SCFD2: variants seen among roughly 807,000 people sequenced by gnomAD.
SCFD2 encodes the protein sec1 family domain containing 2, also known as sec1 family domain-containing protein 2.
In SCFD2, 54 loss-of-function variants were observed where a neutral mutation model predicts 58.9. The observed-to-expected ratio is 0.92, with a 90% CI of 0.74 to 1.15. The LOEUF is 1.15. Ranked by LOEUF, SCFD2 falls within the 50% of genes most tolerant of loss-of-function variation. The pLI is 0.00. For missense variants in SCFD2, 805 were observed against 836.6 expected (o/e 0.96, Z 0.47); for synonymous variants, 321 against 335.9 (o/e 0.96, Z 0.49).
intron 4 of SCFD2, among the ~76,000 whole-genome samples, chr4:53,214,432 T>C (rs921895609): frequency 6.6e-6 from 1 of 152,170 alleles, no homozygotes. Context: ...TTTCATGTGT[T>C]TTTTGTCTGC....
At chr4:53,199,733 AG>A (rs1728167657) in intron 4 of SCFD2, among the ~76,000 whole-genome samples, 1 of 152,256 alleles carries the variant, frequency 6.6e-6, no homozygotes, top group African/African-American at 2.4e-5. Flanking sequence ...ATGACCAGAA[AG>A]GGCATGGAAG....
intron 2 of SCFD2, among the ~76,000 whole-genome samples, chr4:53,323,763 G>A (rs1398012624): frequency 6.6e-6 from 1 of 151,952 alleles, no homozygotes; most frequent in Non-Finnish European, 1.5e-5. Flanking sequence ...TTCTGTGTGT[G>A]TGTATGTGTG....
intron 5 of SCFD2, among the ~76,000 whole-genome samples, chr4:53,015,526 C>T (rs965248346): frequency 1.7e-4 from 26 of 152,148 alleles, no homozygotes; most frequent in Admixed American, 1.4e-3. Flanking sequence ...ATCTCTCAAA[C>T]GCACGTTGTC....
At chr4:53,166,250 CT>C (rs1180932720) in intron 4 of SCFD2, among the ~76,000 whole-genome samples, 1 of 152,074 alleles carries the variant, frequency 6.6e-6, no homozygotes, top group African/African-American at 2.4e-5. Flanking sequence ...TATCAGATAT[CT>C]TTATAAAGAG....
At chr4:53,289,183 G>A (rs1731761472) in intron 3 of SCFD2, among the ~76,000 whole-genome samples, 1 of 151,998 alleles carries the variant, frequency 6.6e-6, no homozygotes, top group South Asian at 2.1e-4. Context: ...TGACCAACAT[G>A]GTGAAACCCT....
At chr4:53,096,318 G>A (rs1724632470) in intron 5 of SCFD2, among the ~76,000 whole-genome samples, 1 of 152,168 alleles carries the variant, frequency 6.6e-6, no homozygotes, top group African/African-American at 2.4e-5. Context: ...GGTTGAACTA[G>A]TTTACAGTCC....
At chr4:53,256,974 C>T (rs1255384443) in intron 4 of SCFD2, among the ~76,000 whole-genome samples, 2 of 151,584 alleles carry the variant, frequency 1.3e-5, no homozygotes, top group Non-Finnish European at 2.9e-5. Flanking sequence ...ATAAATCATC[C>T]AGTCTCAGGT....
intron 4 of SCFD2, among the ~76,000 whole-genome samples, chr4:53,243,289 A>T (rs771080410): frequency 1.6e-4 from 24 of 152,338 alleles, no homozygotes; most frequent in Admixed American, 5.2e-4. Context: ...CCTCAGCAGA[A>T]ACCCTAAAAG....
chr4:53,234,481 A>G (rs969125855), intron 4 of SCFD2, among the ~76,000 whole-genome samples: 3 of 152,190 alleles, frequency 2.0e-5, no homozygotes, highest in Non-Finnish European at 2.9e-5. Flanking sequence ...ACTGGAGGAC[A>G]GAGGTTTTGT....
intron 3 of SCFD2, among the ~76,000 whole-genome samples, chr4:53,302,844 A>G (rs570074236): frequency 6.6e-6 from 1 of 152,238 alleles, no homozygotes; most frequent in Non-Finnish European, 1.5e-5. Context: ...AAAACAAGCA[A>G]TGGGGAAAGG....
chr4:52,876,039 G>A (rs1165403339), intron 8 of SCFD2, among the ~76,000 whole-genome samples: 1 of 151,636 alleles, frequency 6.6e-6, no homozygotes, highest in East Asian at 1.9e-4. Context: ...GGGTCTCTAC[G>A]TCTTTCAGGT....
chr4:53,285,625 C>T (rs1241844634), intron 3 of SCFD2, among the ~76,000 whole-genome samples: 11 of 151,980 alleles, frequency 7.2e-5, no homozygotes, highest in Middle Eastern at 3.4e-3. Flanking sequence ...TAAAGGAGAG[C>T]GCTGAAGTAC....
At position 52,881,052 on chromosome 4, in the gene SCFD2, G is replaced by C. The variant is rs73814896; in HGVS notation, c.1962+4695C>G. ...CTCTTGATCCCTTTTCTGTAGATAG[G>C]AAAAAGGACCTTCTCCAATGCACCC... On this transcript the variant is annotated intron_variant, in intron 8 of 8. Transcript: ENST00000401642. Among the ~76,000 whole-genome samples the C allele has an allele frequency of 7.4e-3, 1,124 of 152,330 alleles. 17 individuals are homozygous for C. The highest frequency in any genetic ancestry group is 0.026 in the African/African-American group (1,070 of 41,578).
At chr4:53,135,462 G>A (rs762715248) in intron 5 of SCFD2, among the ~76,000 whole-genome samples, 10 of 152,304 alleles carry the variant, frequency 6.6e-5, no homozygotes, top group East Asian at 5.8e-4. Flanking sequence ...CAGGCTAGGC[G>A]TGGTGGCTCA....
At position 53,095,733 on chromosome 4, in the gene SCFD2, T is replaced by C. The variant is rs560072736; in HGVS notation, c.1561+49600A>G. On this transcript the variant is annotated intron_variant, in intron 5 of 8. Transcript: ENST00000401642. ...TTTTCTCTCTTGCTCATTTTTTTTT[T>C]ATTATACTTTAAGTTCTAGGGTACA... Among the ~76,000 whole-genome samples the C allele has an allele frequency of 3.9e-5, 6 of 152,004 alleles. No individual in the cohort carries two copies. The East Asian group carries it at 5.8e-4, about 15-fold the overall frequency.
intron 6 of SCFD2, among the ~76,000 whole-genome samples, chr4:52,914,708 ATACTT>A (rs1719563070): frequency 6.6e-6 from 1 of 152,196 alleles, no homozygotes; most frequent in Non-Finnish European, 1.5e-5. Flanking sequence ...AGAAGAAAAA[ATACTT>A]TAAGGTGAAA....
intron 5 of SCFD2, among the ~76,000 whole-genome samples, chr4:52,922,845 A>G (rs1719772862): frequency 6.6e-6 from 1 of 152,244 alleles, no homozygotes; most frequent in African/African-American, 2.4e-5. Flanking sequence ...GAGGGTTTCA[A>G]TTTCTCTACA....
chr4:53,124,755 A>G (rs556121374), intron 5 of SCFD2, among the ~76,000 whole-genome samples: 32 of 152,336 alleles, frequency 2.1e-4, no homozygotes, highest in African/African-American at 7.2e-4. Context: ...ATCAGAAGAG[A>G]AAAGTGAAGA....
intron 4 of SCFD2, among the ~76,000 whole-genome samples, chr4:53,175,991 C>G (rs1727317046): frequency 6.6e-6 from 1 of 152,118 alleles, no homozygotes; most frequent in Admixed American, 6.5e-5. Context: ...TTCTTCACAC[C>G]TTTCTACTTG....
Sources: allele counts gnomAD v4.1 joint callset (sites outside exome capture counted in the v4.1 genomes callset), GRCh38; gene constraint gnomAD v4.1.1; transcripts MANE v1.5; gene names NCBI Gene and HGNC (gene_info 2026-07-23, HGNC 2026-07-21).